The following NEUROD4 variants were observed in gnomAD, a reference collection of about 807,000 sequenced individuals.
NEUROD4 encodes the protein neurogenic differentiation factor 4.
In NEUROD4, 16 loss-of-function variants were observed where a neutral mutation model predicts 19.8. The observed-to-expected ratio is 0.81, with a 90% CI of 0.55 to 1.23. The LOEUF (loss-of-function observed/expected upper bound fraction) is 1.23, where lower values mean the gene tolerates loss of function less well. NEUROD4 is among the 50% of genes most tolerant of loss of function. The pLI is 0.00. For missense variants in NEUROD4, 439 were observed against 398.6 expected (o/e 1.10, Z -0.86); for synonymous variants, 153 against 147.9 (o/e 1.03, Z -0.25).
rs758070208 is a variant in NEUROD4, at chr12:55,026,510, G to T, written c.71G>T (p.Gly24Val). The stretch of plus-strand genomic sequence containing the variant: ...AACACACCATCCTGGATGGATAAAG[G>T]TCTGGGCTCCCAAAATGAGGTGAAG... ...LVNTPSWMDK[G>V]LGSQNEVKEE... The change falls in exon 2 of 2, where the codon GGT becomes GTT. Residue 24 changes from glycine to valine, a missense_variant. Physicochemically the swap from Gly to Val is moderately radical, Grantham distance 109. Transcript: ENST00000242994. 4 of 1,614,034 alleles carry T rather than the reference G, an allele frequency of 2.5e-6. No homozygotes were observed. The highest frequency in any genetic ancestry group is 3.4e-6 in the Non-Finnish European group (4 of 1,179,936).
chr12:55,026,620 G>C lies in NEUROD4; in HGVS notation c.181G>C (p.Glu61Gln). The change falls in exon 2 of 2, where the codon GAA (glutamate) becomes CAA (glutamine). Residue 61 changes from glutamate to glutamine, a missense_variant. Glu to Gln is a conservative substitution (Grantham distance 29). Transcript: ENST00000242994. ...CAGTATTGAGGAAGAAGAAGAAGAG[G>C]AAGAAGATGGGGAGAAACCTAAGAG... ...HDSIEEEEEE[E>Q]EDGEKPKRRG... The C allele has an allele frequency of 6.2e-7, 1 of 1,613,764 alleles. No individual in the cohort carries two copies. The highest frequency in any genetic ancestry group is 8.5e-7 in the Non-Finnish European group (1 of 1,179,810).
At position 55,027,257 on chromosome 12, in the gene NEUROD4, T is replaced by G; in HGVS notation, c.818T>G (p.Leu273Arg). The change falls in exon 2 of 2, where the codon CTA (leucine) becomes CGA (arginine). Residue 273 changes from leucine (L) to arginine (R), a missense_variant. Leu to Arg is a moderately radical substitution (Grantham distance 102). Coordinates refer to ENST00000242994, the MANE Select transcript of NEUROD4 (RefSeq NM_021191.3). ...FSLKQDGSPD[L>R]EKSYSFMPHY... The stretch of plus-strand genomic sequence containing the variant: ...TTGAAGCAAGATGGGTCTCCTGACC[T>G]AGAAAAATCCTACAGCTTCATGCCA... 1 of 1,614,150 alleles carries G rather than the reference T, an allele frequency of 6.2e-7. No individual in the cohort carries two copies. Among genetic ancestry groups the G allele is most frequent in the Admixed American group, 1.7e-5 (1 of 60,018 alleles).
At position 55,026,622 on chromosome 12, in the gene NEUROD4, A is replaced by G; in HGVS notation, c.183A>G (p.Glu61=). ...HDSIEEEEEE[E]EDGEKPKRRG... is the part of the protein sequence containing the mutation. ...GTATTGAGGAAGAAGAAGAAGAGGA[A>G]GAAGATGGGGAGAAACCTAAGAGAA... is the stretch of plus-strand genomic sequence containing the variant. Residue 61 remains glutamate, a synonymous_variant, in exon 2 of 2, where the codon GAA becomes GAG. Transcript: ENST00000242994. The G allele has an allele frequency of 6.2e-7, 1 of 1,613,866 alleles. No individual in the cohort carries two copies. Among genetic ancestry groups the G allele is most frequent in the Non-Finnish European group, 8.5e-7 (1 of 1,179,818 alleles).
chr12:55,024,119 T>G (rs1246918054), intron 1 of NEUROD4, among the ~76,000 whole-genome samples: 11 of 152,006 alleles, frequency 7.2e-5, no homozygotes. Flanking sequence ...ATAATGAAGA[T>G]AAGAGAATGA....
intron 1 of NEUROD4, among the ~76,000 whole-genome samples, chr12:55,023,890 A>G (rs761580513): frequency 3.2e-4 from 48 of 152,326 alleles, no homozygotes; most frequent in Non-Finnish European, 5.3e-4. Flanking sequence ...GGTCTATTCT[A>G]TCCTCCCAAT....
rs1302303684 is a variant in NEUROD4 at position 55,020,194 on chromosome 12, G to A, written c.-129G>A. 1.4e-5 allele frequency: 2 copies of A among 147,568 alleles called. No individual in the cohort carries two copies. The highest frequency in any genetic ancestry group is 6.7e-5 in the Admixed American group (1 of 14,876). 9.1% of individuals were successfully genotyped at this position (147,568 alleles called of 1,614,324 possible). On this transcript the variant is annotated 5_prime_UTR_variant, in exon 1 of 2. Coordinates refer to ENST00000242994, the MANE Select transcript of NEUROD4 (RefSeq NM_021191.3). ...TCTCTAAGAGGTAACAACCGGGTTT[G>A]ACATGGATCGCTGAAAGCGTCTCTT...
chr12:55,022,008 T>G (rs1425061632), intron 1 of NEUROD4, among the ~76,000 whole-genome samples: 1 of 152,160 alleles, frequency 6.6e-6, no homozygotes, highest in Non-Finnish European at 1.5e-5. Context: ...TGCTACAGAC[T>G]TTCTCAAACA....
rs975989237 is a variant in NEUROD4 at position 55,027,618 on chromosome 12, A to G, written c.*183A>G. ...CTCATCACCTTCTCACATTGCATTG[A>G]TTTCTTTATAGAGTCCTCAAGTGAA... is the stretch of plus-strand genomic sequence containing the variant. On this transcript the variant is annotated 3_prime_UTR_variant, in exon 2 of 2. Coordinates refer to ENST00000242994, the MANE Select transcript of NEUROD4 (RefSeq NM_021191.3). 5.5e-5 allele frequency: 33 copies of G among 599,986 alleles called. No individual in the cohort carries two copies. In the South Asian group the frequency reaches 5.6e-4, roughly 10 times the overall value. 37.2% of individuals were successfully genotyped at this position (599,986 alleles called of 1,614,324 possible).
Position 55,027,779 on chromosome 12 carries a change from G to T in NEUROD4, c.*344G>T. ...GGCCTTTGTTTATTTACTAGCAATT[G>T]TAAATAAACAAATTGTATTTATATG... On this transcript the variant is annotated 3_prime_UTR_variant, in exon 2 of 2. Transcript: ENST00000242994. The T allele has an allele frequency of 4.5e-6, 1 of 221,436 alleles. No individual in the cohort carries two copies. Among genetic ancestry groups the T allele is most frequent in the Non-Finnish European group, 9.6e-6 (1 of 104,494 alleles). 13.7% of individuals were successfully genotyped at this position (221,436 alleles called of 1,614,324 possible).
rs906089856 is a variant in NEUROD4 at position 55,025,791 on chromosome 12, T to C, written c.-9-640T>C. On this transcript the variant is annotated intron_variant, in intron 1 of 1. Transcript: ENST00000242994. ...GTCATGGACAACTTGAAGGAGATGA[T>C]TGAGGCCACCAGTTAGCAATACTGG... 5.3e-5 allele frequency among the ~76,000 whole-genome samples: 8 copies of C among 152,280 alleles called. No individual in the cohort carries two copies. The East Asian group carries it at 7.7e-4, about 15-fold the overall frequency.
rs983906837 is a variant in NEUROD4 at position 55,027,979 on chromosome 12, T to C, written c.*544T>C. 1.8e-5 allele frequency: 3 copies of C among 167,280 alleles called. No homozygotes were observed. The highest frequency in any genetic ancestry group is 7.2e-5 in the African/African-American group (3 of 41,468). 10.4% of individuals were successfully genotyped at this position (167,280 alleles called of 1,614,324 possible). ...ATTATCAGAGGGATCACAAGGTACA[T>C]GTCTCTTGGCTCACAGAATGCAAAG... is the stretch of plus-strand genomic sequence containing the variant. On this transcript the variant is annotated 3_prime_UTR_variant, in exon 2 of 2. Coordinates refer to ENST00000242994, the MANE Select transcript of NEUROD4 (RefSeq NM_021191.3).
In NEUROD4 at chr12:55,022,395, A is replaced by G. The variant is rs577116867; in HGVS notation, c.-10+2082A>G. Among the ~76,000 whole-genome samples the G allele has an allele frequency of 1.8e-4, 28 of 152,230 alleles. No individual in the cohort carries two copies. In the East Asian group the frequency reaches 4.8e-3, roughly 26 times the overall value. On this transcript the variant is annotated intron_variant, in intron 1 of 1. Coordinates refer to ENST00000242994, the MANE Select transcript of NEUROD4 (RefSeq NM_021191.3). ...CACATATTTTCAACACTCAAATTTA[A>G]AACTAGATGTTTCTATTTTTTTCCT...
intron 1 of NEUROD4, among the ~76,000 whole-genome samples, chr12:55,022,363 C>T (rs1952679288): frequency 6.6e-6 from 1 of 152,062 alleles, no homozygotes; most frequent in Non-Finnish European, 1.5e-5. Flanking sequence ...TATGTGTGAT[C>T]ACAGTACACA....
chr12:55,025,868 C>T (rs1288694600), intron 1 of NEUROD4, among the ~76,000 whole-genome samples: 1 of 152,178 alleles, frequency 6.6e-6, no homozygotes, highest in Admixed American at 6.5e-5. Context: ...CTTCTAAATA[C>T]AGGTTGAGTA....
At chr12:55,026,083 T>C (rs542925242) in intron 1 of NEUROD4, among the ~76,000 whole-genome samples, 1 of 152,332 alleles carries the variant, frequency 6.6e-6, no homozygotes, top group East Asian at 1.9e-4. Flanking sequence ...GTAATTTATA[T>C]ACTCACCTCA....
chr12:55,027,666 A>G lies in NEUROD4; in HGVS notation c.*231A>G, dbSNP rs987072942. ...GAAAATATTTGATGATTTAACAACC[A>G]TGTGAAAATAGAACAGAAGACCTGG... is the stretch of plus-strand genomic sequence containing the variant. On this transcript the variant is annotated 3_prime_UTR_variant, in exon 2 of 2. Transcript: ENST00000242994. 1.4e-5 allele frequency: 6 copies of G among 444,274 alleles called. No homozygotes were observed. The highest frequency in any genetic ancestry group is 1.2e-4 in the African/African-American group (6 of 49,040). The allele number at this position is 444,274 out of a possible 1,614,324, so 27.5% of individuals were successfully genotyped here.
rs1478462675 is a variant in NEUROD4 at position 55,027,900 on chromosome 12, A to G, written c.*465A>G. 1 of 169,412 alleles carries G rather than the reference A, an allele frequency of 5.9e-6. No homozygotes were observed. The highest frequency in any genetic ancestry group is 2.4e-5 in the African/African-American group (1 of 41,514). The allele number at this position is 169,412 out of a possible 1,614,324, so 10.5% of individuals were successfully genotyped here. ...CACTCTTGACAATTTCTTGAAACTG[A>G]AAGAATAGAGAAATAATAGGAAAGG... is the stretch of plus-strand genomic sequence containing the variant. On this transcript the variant is annotated 3_prime_UTR_variant, in exon 2 of 2. Coordinates refer to ENST00000242994, the MANE Select transcript of NEUROD4 (RefSeq NM_021191.3).
rs1952740804 is a variant in NEUROD4, at chr12:55,026,966, T to C, written c.527T>C (p.Leu176Pro). The C allele has an allele frequency of 6.2e-7, 1 of 1,614,192 alleles. No homozygotes were observed. The highest frequency in any genetic ancestry group is 8.5e-7 in the Non-Finnish European group (1 of 1,180,026). ...AACCTGGTGGCTGGATGTCTCCAAC[T>C]GGGCCCTCAGTCTGTCCTCCTGGAG... is the stretch of plus-strand genomic sequence containing the variant. ...TSNLVAGCLQLGPQSVLLEKH... is the reference protein window; with the variant it reads ...TSNLVAGCLQPGPQSVLLEKH... The change falls in exon 2 of 2, where the codon CTG becomes CCG. Residue 176 changes from leucine to proline, a missense_variant. Physicochemically the swap from Leu to Pro is moderately conservative, Grantham distance 98. Transcript: ENST00000242994.
At position 55,029,019 on chromosome 12, in the gene NEUROD4, A is replaced by G. The variant is rs568414859; in HGVS notation, c.*1584A>G. 6 of 167,034 alleles carry G rather than the reference A, an allele frequency of 3.6e-5. No homozygotes were observed. Among genetic ancestry groups the G allele is most frequent in the Non-Finnish European group, 7.3e-5 (5 of 68,102 alleles). 10.3% of individuals were successfully genotyped at this position (167,034 alleles called of 1,614,324 possible). ...TTAGGTCCTGCTCCTGCCAGAAAGG[A>G]TAAGTTTAACATGCAGGGTACATCA... On this transcript the variant is annotated 3_prime_UTR_variant, in exon 2 of 2. Transcript: ENST00000242994.
Sources: allele counts gnomAD v4.1 joint callset (sites outside exome capture counted in the v4.1 genomes callset), GRCh38; gene constraint gnomAD v4.1.1; transcripts MANE v1.5; gene names NCBI Gene and HGNC (gene_info 2026-07-23, HGNC 2026-07-21).